SHROOM2: variants seen among roughly 807,000 people sequenced by gnomAD.
The protein encoded by SHROOM2 is protein Shroom2.
A neutral mutation model predicts 75.9 loss-of-function variants in SHROOM2; 33 were observed. The observed-to-expected ratio is 0.43, with a 90% CI of 0.33 to 0.58. The LOEUF is 0.58. Ranked by LOEUF, SHROOM2 falls within the 20% of genes least tolerant of loss-of-function variation. The pLI is 0.04. For synonymous variants in SHROOM2, 655 were observed against 663.6 expected, an observed-to-expected ratio of 0.99 and a Z score of 0.20; for missense variants, 1,434 against 1,461.2, an observed-to-expected ratio of 0.98 and a Z score of 0.30.
chrX:9,833,853 G>A (rs1042868243), intron 1 of SHROOM2, among the ~76,000 whole-genome samples: 5 of 111,135 alleles, frequency 4.5e-5, no homozygotes, highest in Non-Finnish European at 9.4e-5. Flanking sequence ...GAGATCCGAC[G>A]GCCTCCTTCC....
intron 3 of SHROOM2, among the ~76,000 whole-genome samples, chrX:9,892,398 AT>A (rs1446213493): frequency 1.8e-5 from 2 of 109,544 alleles, no homozygotes; most frequent in Admixed American, 9.6e-5. Context: ...AGCCCAGTGT[AT>A]TTTTTGGGGA....
rs774867988 is a variant in SHROOM2, at chrX:9,895,992, C to T, written c.2084C>T (p.Thr695Met). 1.1e-5 allele frequency: 13 copies of T among 1,204,401 alleles called. No individual in the cohort carries two copies. The highest frequency in any genetic ancestry group is 4.6e-4 in the Middle Eastern group (2 of 4,337). ...KEAQARVLRA[T>M]SFKRRDLDPN... ...GCCCAAGCCCGGGTCCTGAGGGCCACGTCCTTCAAGCGCCGCGACTTGGAC... is the reference window on the plus strand; with the variant it reads ...GCCCAAGCCCGGGTCCTGAGGGCCATGTCCTTCAAGCGCCGCGACTTGGAC... Residue 695 changes from threonine to methionine, a missense_variant, in exon 4 of 10, where the codon ACG (threonine) becomes ATG (methionine). Physicochemically the swap from Thr to Met is moderately conservative, Grantham distance 81. Coordinates refer to ENST00000380913, the MANE Select transcript of SHROOM2 (RefSeq NM_001649.4).
chrX:9,872,734 G>A (rs980735389), intron 1 of SHROOM2, among the ~76,000 whole-genome samples: 2 of 111,681 alleles, frequency 1.8e-5, no homozygotes, highest in East Asian at 5.6e-4. Flanking sequence ...AAACAGATAC[G>A]TGTTAGCAAG....
chrX:9,926,094 A>G (rs1322583713), intron 5 of SHROOM2, among the ~76,000 whole-genome samples: 2 of 111,711 alleles, frequency 1.8e-5, no homozygotes, highest in Non-Finnish European at 3.8e-5. Context: ...AAGCCCACGC[A>G]ACTCCATCTC....
intron 5 of SHROOM2, among the ~76,000 whole-genome samples, chrX:9,919,976 T>TCAGA (rs199592884): frequency 1.8e-4 from 11 of 61,445 alleles, no homozygotes; most frequent in Non-Finnish European, 2.9e-4. Flanking sequence ...TCACTATAAC[T>TCAGA]CAGACATCTC....
intron 1 of SHROOM2, among the ~76,000 whole-genome samples, chrX:9,849,683 G>C (rs1008906726): frequency 1.8e-5 from 2 of 111,556 alleles, no homozygotes; most frequent in Non-Finnish European, 3.8e-5. Flanking sequence ...GCCCTGTCCA[G>C]ATATCTCGCT....
At chrX:9,823,167 CTT>C (rs1569142277) in intron 1 of SHROOM2, among the ~76,000 whole-genome samples, 69 of 28,444 alleles carry the variant, frequency 2.4e-3, no homozygotes, top group East Asian at 9.6e-3. Flanking sequence ...TTCTTCTTTT[CTT>C]CTTCTTCTTC....
Position 9,932,228 on chromosome X carries a change from C to T in SHROOM2, c.2945C>T (p.Pro982Leu), listed in dbSNP as rs1042134564. The T allele has an allele frequency of 2.6e-5, 30 of 1,159,367 alleles. No homozygotes were observed. Among genetic ancestry groups the T allele is most frequent in the Non-Finnish European group, 3.5e-5 (30 of 869,378 alleles). ...EGSPGSQQHP[P>L]SQKAPNPPTF... ...AGCCCAGGATCACAGCAGCACCCAC[C>T]GAGTCAGAAGGCACCGAACCCACCC... is the stretch of plus-strand genomic sequence containing the variant. Residue 982 changes from proline to leucine, a missense_variant, in exon 6 of 10, where the codon CCG becomes CTG. By Grantham distance (98) the Pro-to-Leu change is moderately conservative. Coordinates refer to ENST00000380913, the MANE Select transcript of SHROOM2 (RefSeq NM_001649.4).
intron 8 of SHROOM2, among the ~76,000 whole-genome samples, chrX:9,944,395 A>G (rs1259871925): frequency 8.9e-6 from 1 of 112,237 alleles, no homozygotes; most frequent in Non-Finnish European, 1.9e-5. Flanking sequence ...ACGTTCTCTA[A>G]TAGGGCATGA....
chrX:9,935,895 T>C (rs1237932065), intron 6 of SHROOM2, among the ~76,000 whole-genome samples: 10 of 111,114 alleles, frequency 9.0e-5, no homozygotes, highest in African/African-American at 3.3e-4. Context: ...CACCAGCATA[T>C]GGGGCTGCTT....
At position 9,932,680 on chromosome X, in the gene SHROOM2, G is replaced by A; in HGVS notation, c.3397G>A (p.Glu1133Lys). The change falls in exon 6 of 10, where the codon GAG becomes AAG. Residue 1133 changes from glutamate (E) to lysine (K), a missense_variant. Glu to Lys is a moderately conservative substitution (Grantham distance 56). This residue lies in a region of SHROOM2 where 1,340 missense variants were observed against 1,338.3 expected (regional missense o/e 1.00). Transcript: ENST00000380913. ...PQDTPKATVCERGSQHVSGDA... is the reference protein window; with the variant it reads ...PQDTPKATVCKRGSQHVSGDA... ...GGACACCCCGAAGGCCACTGTCTGT[G>A]AGCGTGGAAGCCAGCATGTGAGCGG... The A allele has an allele frequency of 8.3e-7, 1 of 1,211,684 alleles. No homozygotes were observed. The highest frequency in any genetic ancestry group is 1.1e-6 in the Non-Finnish European group (1 of 895,456).
At chrX:9,916,142 T>G (rs1451364160) in intron 5 of SHROOM2, among the ~76,000 whole-genome samples, 1 of 112,300 alleles carries the variant, frequency 8.9e-6, no homozygotes, top group Non-Finnish European at 1.9e-5. Context: ...ATTAAGAATA[T>G]ATAGAAGTTC....
In SHROOM2 at chrX:9,949,307, G is replaced by A. The variant is rs1156320712; in HGVS notation, c.*2370G>A. The A allele has an allele frequency of 3.0e-6, 1 of 328,580 alleles. No individual in the cohort carries two copies. Among genetic ancestry groups the A allele is most frequent in the African/African-American group, 2.7e-5 (1 of 37,510 alleles). The allele number at this position is 328,580 out of a possible 1,213,427, so 27.1% of individuals were successfully genotyped here. A position where few individuals can be genotyped will look rare whatever the true frequency, so the allele number is the denominator to read the frequency against. On this transcript the variant is annotated 3_prime_UTR_variant, in exon 10 of 10. Coordinates refer to ENST00000380913, the MANE Select transcript of SHROOM2 (RefSeq NM_001649.4). ...GTGGCTGTGGAGGGCTCTGCCTATG[G>A]GGGGTGGCCTGTGGCTTGTATCCTT...
intron 5 of SHROOM2, among the ~76,000 whole-genome samples, chrX:9,925,059 C>A (rs943625821): frequency 1.8e-5 from 2 of 111,375 alleles, no homozygotes; most frequent in Non-Finnish European, 3.8e-5. Context: ...AGGTTGGTTG[C>A]TTGGTTGGTT....
chrX:9,913,993 T>TCA (rs2084459008), intron 5 of SHROOM2, among the ~76,000 whole-genome samples: 1 of 110,729 alleles, frequency 9.0e-6, no homozygotes, highest in Admixed American at 9.7e-5. Flanking sequence ...CTTTCTTTTG[T>TCA]CACACATAGT....
chrX:9,788,280 C>G (rs2083627861), intron 1 of SHROOM2, among the ~76,000 whole-genome samples: 1 of 70,363 alleles, frequency 1.4e-5, no homozygotes, highest in African/African-American at 3.9e-5. Context: ...CTCTTCTAAT[C>G]GTTTTTTTTT....
chrX:9,901,333 G>C (rs111852103), intron 5 of SHROOM2, among the ~76,000 whole-genome samples: 4 of 111,858 alleles, frequency 3.6e-5, no homozygotes, highest in African/African-American at 1.3e-4. Flanking sequence ...CATTGATTTT[G>C]TGGGGCACAG....
chrX:9,928,627 A>G (rs1360248592), intron 5 of SHROOM2, among the ~76,000 whole-genome samples: 1 of 111,729 alleles, frequency 9.0e-6, no homozygotes, highest in East Asian at 2.8e-4. Context: ...CACAACATGC[A>G]TCTCCACACA....
chrX:9,843,714 G>C lies in SHROOM2; in HGVS notation c.166-29938G>C, dbSNP rs910074576. 1.2e-4 allele frequency among the ~76,000 whole-genome samples: 13 copies of C among 112,398 alleles called. 1 individual carries two copies. Among genetic ancestry groups the C allele is most frequent in the Admixed American group, 5.6e-4 (6 of 10,632 alleles). ...CTGCGCCCGGCCCACATGACATTTA[G>C]TCTTCCTGTCACCTTAGGTTCTTCT... On this transcript the variant is annotated intron_variant, in intron 1 of 9. Transcript: ENST00000380913.
Sources: allele counts gnomAD v4.1 joint callset (sites outside exome capture counted in the v4.1 genomes callset), GRCh38; gene constraint gnomAD v4.1.1; regional missense constraint gnomAD v4.1.1; transcripts MANE v1.5; gene names NCBI Gene and HGNC (gene_info 2026-07-23, HGNC 2026-07-21).